The following DIAPH2 variants were observed in gnomAD, a reference collection of about 807,000 sequenced individuals.
DIAPH2 encodes diaphanous related formin 2.
A neutral mutation model predicts 92.7 loss-of-function variants in DIAPH2; 35 were observed. The ratio of observed to expected loss-of-function variants is 0.38; its 90% CI spans 0.29 to 0.50. The LOEUF is 0.50. DIAPH2 is among the 20% of genes least tolerant of loss of function. DIAPH2 has a pLI of 0.94. For missense variants in DIAPH2, 701 were observed against 819.5 expected (o/e 0.86, Z 1.77); for synonymous variants, 301 against 280.4 (o/e 1.07, Z -0.73).
intron 23 of DIAPH2, among the ~76,000 whole-genome samples, chrX:97,270,510 G>A (rs898239460): frequency 2.7e-5 from 3 of 111,913 alleles, no homozygotes; most frequent in Non-Finnish European, 5.6e-5. Flanking sequence ...GCCTTAACAA[G>A]GATGCTATAC....
At chrX:96,732,293 G>A (rs2064060579) in intron 1 of DIAPH2, among the ~76,000 whole-genome samples, 1 of 112,071 alleles carries the variant, frequency 8.9e-6, no homozygotes, top group African/African-American at 3.2e-5. Context: ...TCATTTAATT[G>A]TAACTTATAC....
chrX:96,717,402 T>C (rs1392839575), intron 1 of DIAPH2, among the ~76,000 whole-genome samples: 2 of 110,884 alleles, frequency 1.8e-5, no homozygotes, highest in Admixed American at 9.7e-5. Flanking sequence ...TGTCTGTTTC[T>C]CCTTGTAGTT....
In DIAPH2 at chrX:97,180,703, A is replaced by G. The variant is rs190318396; in HGVS notation, c.2719+38909A>G. 3.2e-4 allele frequency among the ~76,000 whole-genome samples: 36 copies of G among 111,956 alleles called. No individual in the cohort carries two copies. In the East Asian group the frequency reaches 9.3e-3, roughly 29 times the overall value. On this transcript the variant is annotated intron_variant, in intron 22 of 26. Transcript: ENST00000324765. Reference sequence around the variant, plus strand: ...TGTATAAGGTGTAAGGAAGGGGTCCAATTTTAGTTTTCTGCATATGGCTAG... The same window carrying G: ...TGTATAAGGTGTAAGGAAGGGGTCCGATTTTAGTTTTCTGCATATGGCTAG...
chrX:96,942,442 A>T (rs1238496022), intron 13 of DIAPH2, among the ~76,000 whole-genome samples: 1 of 111,319 alleles, frequency 9.0e-6, no homozygotes, highest in Non-Finnish European at 1.9e-5. Flanking sequence ...ATTACTATTT[A>T]GAAACATGAC....
At chrX:97,443,111 T>C (rs1346562893) in intron 26 of DIAPH2, among the ~76,000 whole-genome samples, 1 of 110,974 alleles carries the variant, frequency 9.0e-6, no homozygotes, top group Non-Finnish European at 1.9e-5. Context: ...ATGTTGCCCA[T>C]GCTGGTCTCG....
intron 23 of DIAPH2, among the ~76,000 whole-genome samples, chrX:97,309,861 G>A: frequency 8.9e-6 from 1 of 112,309 alleles, no homozygotes; most frequent in Non-Finnish European, 1.9e-5. Flanking sequence ...CCTAGAAACA[G>A]TTTTAAGGCC....
chrX:97,334,993 C>CAAAAAAAAAAAAAAAA (rs1314227612), intron 23 of DIAPH2, among the ~76,000 whole-genome samples: 6 of 6,631 alleles, frequency 9.0e-4, no homozygotes, highest in Non-Finnish European at 1.4e-3. Context: ...AAAACAAAAA[C>CAAAAAAAAAAAAAAAA]AAAACAAAAA....
At chrX:96,810,921 G>GCC (rs953841433) in intron 4 of DIAPH2, among the ~76,000 whole-genome samples, 15 of 111,832 alleles carry the variant, frequency 1.3e-4, no homozygotes, top group African/African-American at 4.9e-4. Flanking sequence ...GGTTACTGTA[G>GCC]CCTTGTAGTA....
intron 23 of DIAPH2, among the ~76,000 whole-genome samples, chrX:97,278,742 A>C (rs1352940272): frequency 8.9e-6 from 1 of 112,258 alleles, no homozygotes; most frequent in Non-Finnish European, 1.9e-5. Context: ...ACATGTTTCT[A>C]TTTGGCTTTG....
At chrX:96,779,417 C>T (rs1052446378) in intron 4 of DIAPH2, among the ~76,000 whole-genome samples, 5 of 112,059 alleles carry the variant, frequency 4.5e-5, no homozygotes, top group African/African-American at 1.6e-4. Flanking sequence ...AGCAGTTCTA[C>T]TTTTCCCCCT....
intron 5 of DIAPH2, chrX:96,884,088 C>T (rs1332154632): frequency 5.1e-6 from 2 of 389,998 alleles, no homozygotes; most frequent in South Asian, 4.7e-5. Context: ...AGAAGGTGGC[C>T]GACCCTGACT....
intron 4 of DIAPH2, among the ~76,000 whole-genome samples, chrX:96,871,541 G>T: frequency 9.6e-6 from 1 of 104,680 alleles, no homozygotes. Context: ...TGGAGTAAAT[G>T]CAGTGTAATT....
At chrX:96,919,975 C>T (rs1322762199) in intron 9 of DIAPH2, among the ~76,000 whole-genome samples, 1 of 109,520 alleles carries the variant, frequency 9.1e-6, no homozygotes, top group Non-Finnish European at 1.9e-5. Flanking sequence ...ACCTCTGCCT[C>T]CCAAAGCAAT....
intron 23 of DIAPH2, chrX:97,341,074 C>A (rs2069110551): frequency 9.7e-6 from 1 of 103,124 alleles, no homozygotes; most frequent in Admixed American, 1.1e-4. Context: ...TGCCTGTAGG[C>A]CCAGCTACTC....
chrX:97,245,447 A>T (rs1482745987), intron 22 of DIAPH2, among the ~76,000 whole-genome samples: 1 of 110,015 alleles, frequency 9.1e-6, no homozygotes, highest in African/African-American at 3.3e-5. Flanking sequence ...TTTTTTTTAA[A>T]TTTTTTGTAG....
chrX:96,974,586 ACT>A (rs1211317551), intron 17 of DIAPH2, among the ~76,000 whole-genome samples: 1 of 111,579 alleles, frequency 9.0e-6, no homozygotes, highest in Non-Finnish European at 1.9e-5. Context: ...GTTTCAAAAT[ACT>A]CTCTGAATTC....
Position 97,354,872 on chromosome X carries a change from C to G in DIAPH2, c.3009+6592C>G, listed in dbSNP as rs1368744563. ...AGCAAGTTCCTAAGAGGAACTGTGTCTCTCAGAACAAAGAGAAACTTTGGA... is the reference window on the plus strand; with the variant it reads ...AGCAAGTTCCTAAGAGGAACTGTGTGTCTCAGAACAAAGAGAAACTTTGGA... On this transcript the variant is annotated intron_variant, in intron 24 of 26. Coordinates refer to ENST00000324765, the MANE Select transcript of DIAPH2 (RefSeq NM_006729.5). Among the ~76,000 whole-genome samples, 3 of 112,241 alleles carry G rather than the reference C, an allele frequency of 2.7e-5. No individual in the cohort carries two copies. The East Asian group carries it at 8.4e-4, about 31-fold the overall frequency.
At chrX:96,732,723 C>T (rs1226534036) in intron 1 of DIAPH2, among the ~76,000 whole-genome samples, 1 of 112,113 alleles carries the variant, frequency 8.9e-6, no homozygotes, top group Non-Finnish European at 1.9e-5. Flanking sequence ...AAACAAAGCA[C>T]AGTCCTTCTC....
intron 23 of DIAPH2, among the ~76,000 whole-genome samples, chrX:97,276,033 G>A (rs1392428438): frequency 1.8e-5 from 2 of 112,868 alleles, no homozygotes; most frequent in Non-Finnish European, 3.8e-5. Flanking sequence ...CCGGCACCTC[G>A]GGAGGCCGAG....
Sources: allele counts gnomAD v4.1 joint callset (sites outside exome capture counted in the v4.1 genomes callset), GRCh38; gene constraint gnomAD v4.1.1; transcripts MANE v1.5; gene names NCBI Gene and HGNC (gene_info 2026-07-23, HGNC 2026-07-21).